The following CENPK variants were observed in gnomAD, a reference collection of about 807,000 sequenced individuals.
CENPK encodes the protein centromere protein K.
Under a neutral mutation model 40.9 loss-of-function variants are expected in CENPK, and 46 were observed. The observed-to-expected ratio is 1.13, with a 90% confidence interval of 0.89 to 1.44. The LOEUF (loss-of-function observed/expected upper bound fraction) is 1.44. CENPK is among the 40% of genes most tolerant of loss of function. The pLI is 0.00. For missense variants in CENPK, 288 were observed against 303.5 expected, an observed-to-expected ratio of 0.95 and a Z score of 0.38; for synonymous variants, 107 against 104.4, an observed-to-expected ratio of 1.02 and a Z score of -0.15.
downstream of CENPK, among the ~76,000 whole-genome samples, chr5:65,514,760 T>C (rs186744370): frequency 8.5e-5 from 13 of 152,322 alleles, no homozygotes; most frequent in East Asian, 2.5e-3. Flanking sequence ...GCAAGGCAGT[T>C]ATTTCTCCTT....
At chr5:65,516,540 A>G (rs1742868685), downstream of CENPK, among the ~76,000 whole-genome samples, 1 of 152,248 alleles carries the variant, frequency 6.6e-6, no homozygotes, top group South Asian at 2.1e-4. Context: ...GAGAATAATC[A>G]TAACGTAACA....
At chr5:65,508,223 A>C in the CENPK span, among the ~76,000 whole-genome samples, 3 of 152,214 alleles carry the variant, frequency 2.0e-5, no homozygotes, top group African/African-American at 7.2e-5. Flanking sequence ...CACTAATTTT[A>C]GCACACTTCA....
chr5:65,506,609 C>A, the CENPK span, among the ~76,000 whole-genome samples: 1 of 152,134 alleles, frequency 6.6e-6, no homozygotes, highest in African/African-American at 2.4e-5. Flanking sequence ...CATGGCGAAA[C>A]CCTGTCTCTA....
the CENPK span, among the ~76,000 whole-genome samples, chr5:65,512,541 G>C: frequency 9.9e-5 from 15 of 152,188 alleles, no homozygotes; most frequent in African/African-American, 3.4e-4. Flanking sequence ...GGTGAAGGCT[G>C]ATTAGGCATC....
At chr5:65,496,988 G>A in the CENPK span, among the ~76,000 whole-genome samples, 14 of 151,992 alleles carry the variant, frequency 9.2e-5, no homozygotes, top group East Asian at 3.9e-4. Context: ...CCCATGAGGC[G>A]GAGCATTGCA....
chr5:65,563,088 C>T lies in CENPK; in HGVS notation c.-142+10G>A, dbSNP rs755326357. 7.8e-6 allele frequency: 4 copies of T among 513,452 alleles called. No individual in the cohort carries two copies. Among genetic ancestry groups the T allele is most frequent in the Non-Finnish European group, 1.4e-5 (4 of 290,134 alleles). The allele number at this position is 513,452 out of a possible 1,614,324, so 31.8% of individuals were successfully genotyped here. On this transcript the variant is annotated intron_variant, in intron 1 of 10. Coordinates refer to ENST00000396679, the MANE Select transcript of CENPK (RefSeq NM_022145.5). ...AACCGTTATATCAACCTCCCCGGCC[C>T]AGGTCTTACCATCACAGCGTCACAA... is the stretch of plus-strand genomic sequence containing the variant.
chr5:65,530,393 GT>G (rs1261367235), intron 6 of CENPK, among the ~76,000 whole-genome samples: 8 of 152,170 alleles, frequency 5.3e-5, no homozygotes. Flanking sequence ...CTCTGATCAG[GT>G]AACATTTAAA....
At chr5:65,547,372 G>A (rs1288137552) in intron 5 of CENPK, among the ~76,000 whole-genome samples, 1 of 138,804 alleles carries the variant, frequency 7.2e-6, no homozygotes. Context: ...CAGCCTGGGC[G>A]ACAGAGTAAG....
At chr5:65,532,459 C>T (rs1746017748) in intron 6 of CENPK, among the ~76,000 whole-genome samples, 1 of 151,978 alleles carries the variant, frequency 6.6e-6, no homozygotes, top group Non-Finnish European at 1.5e-5. Flanking sequence ...AAAAGAAAAC[C>T]ACAGACCAAT....
chr5:65,535,087 C>A (rs1580975391), intron 6 of CENPK, among the ~76,000 whole-genome samples: 1 of 152,106 alleles, frequency 6.6e-6, no homozygotes, highest in South Asian at 2.1e-4. Context: ...CATGGTGGTG[C>A]ACACCCATAG....
chr5:65,499,586 G>A, the CENPK span, among the ~76,000 whole-genome samples: 39,418 of 150,146 alleles, frequency 0.26, 5,419 homozygotes, highest in Non-Finnish European at 0.3. Context: ...GAAATATTCA[G>A]CCACTATTTT....
the CENPK span, among the ~76,000 whole-genome samples, chr5:65,499,675 T>G: frequency 1.2e-4 from 18 of 147,722 alleles, no homozygotes; most frequent in East Asian, 3.2e-3. Flanking sequence ...TAATTTTTTT[T>G]TTTTTATTAT....
chr5:65,540,455 G>A (rs1357512131), intron 6 of CENPK, among the ~76,000 whole-genome samples: 4 of 152,068 alleles, frequency 2.6e-5, no homozygotes, highest in Non-Finnish European at 1.5e-5. Flanking sequence ...TCATATGCAT[G>A]AGTTGACTGA....
chr5:65,528,818 A>C (rs1745208227), intron 8 of CENPK, 101 bp downstream of exon 8: 14 of 907,782 alleles, frequency 1.5e-5, no homozygotes, highest in Non-Finnish European at 2.3e-5. Context: ...TTAGGGCAAG[A>C]CTCCTGATTC....
chr5:65,513,621 A>G (rs547662710), downstream of CENPK, among the ~76,000 whole-genome samples: 7 of 152,334 alleles, frequency 4.6e-5, no homozygotes, highest in East Asian at 1.3e-3. Flanking sequence ...TATATCTAAG[A>G]AAGTAATTCA....
the CENPK span, among the ~76,000 whole-genome samples, chr5:65,510,776 CAAAA>C: frequency 7.5e-6 from 1 of 133,728 alleles, no homozygotes; most frequent in African/African-American, 2.8e-5. Flanking sequence ...AACTCCATCT[CAAAA>C]AAAAAAAAAG....
rs199710596 is a variant in CENPK, at chr5:65,528,922, G to C, written c.467C>G (p.Ser156Ter). The C allele has an allele frequency of 2.0e-5, 30 of 1,505,118 alleles. No individual in the cohort carries two copies. Among genetic ancestry groups the C allele is most frequent in the Non-Finnish European group, 1.8e-6 (2 of 1,095,502 alleles). 93.2% of individuals were successfully genotyped at this position (1,505,118 alleles called of 1,614,324 possible). The change falls in exon 8 of 11, where the codon TCA (serine) becomes TGA (stop). Residue 156 changes from serine (S) to a stop codon, truncating the protein, a stop_gained. Transcript: ENST00000396679. LOFTEE classifies it high-confidence loss of function. Reference sequence around the variant, plus strand: ...ACCTAGAACATAAAATTAATACCTTGATTCAGAAAATGTTTCAACCTTATT... The same window carrying C: ...ACCTAGAACATAAAATTAATACCTTCATTCAGAAAATGTTTCAACCTTATT... The part of the protein sequence containing the change: ...LKNKVETFSE[S>*]RIFNELKTKM...
Position 65,529,136 on chromosome 5 carries a change from A to G in CENPK, c.352T>C (p.Leu118=), listed in dbSNP as rs1327050486. ...LSTKESKNEK[L]KEDLEREQRW... Reference sequence around the variant, plus strand: ...ACAAACCTTTCTAAGTCTTCCTTTAACTTTTCATTCTTTGACTCCTTAGTG... The same window carrying G: ...ACAAACCTTTCTAAGTCTTCCTTTAGCTTTTCATTCTTTGACTCCTTAGTG... Residue 118 remains leucine, a synonymous_variant, in exon 7 of 11, where the codon TTA becomes CTA. Transcript: ENST00000396679. 1 of 1,609,646 alleles carries G rather than the reference A, an allele frequency of 6.2e-7. No individual in the cohort carries two copies. Among genetic ancestry groups the G allele is most frequent in the South Asian group, 1.1e-5 (1 of 90,634 alleles).
At chr5:65,526,959 G>A (rs1357489238) in intron 9 of CENPK, among the ~76,000 whole-genome samples, 3 of 152,056 alleles carry the variant, frequency 2.0e-5, no homozygotes, top group Non-Finnish European at 2.9e-5. Context: ...TGGGTGCGGT[G>A]GCACGCGTTT....
Sources: gnomAD v4.1 joint callset for allele counts (sites outside exome capture counted in the v4.1 genomes callset) on GRCh38, gnomAD v4.1.1 for gene constraint, MANE v1.5 for transcripts, NCBI Gene and HGNC (gene_info 2026-07-23, HGNC 2026-07-21) for gene names.